The following ANOS1 variants were observed in gnomAD, a reference collection of about 807,000 sequenced individuals.
ANOS1 encodes the protein anosmin-1.
ANOS1 carries 6 observed loss-of-function variants against 59.0 expected under a neutral mutation model. That is an observed-to-expected ratio of 0.10 (90% CI 0.06 to 0.20). The LOEUF is 0.20. Among genes scored for constraint, ANOS1 ranks in the 10% least tolerant of loss-of-function variants. The pLI, the probability that ANOS1 is intolerant of heterozygous loss-of-function variation, is 1.00. For synonymous variants in ANOS1, 217 were observed against 223.4 expected (o/e 0.97, Z 0.25); for missense variants, 433 against 542.3 (o/e 0.80, Z 2.00).
chrX:8,691,237 C>T (rs1443639081), intron 2 of ANOS1, among the ~76,000 whole-genome samples: 1 of 109,906 alleles, frequency 9.1e-6, no homozygotes, highest in Non-Finnish European at 1.9e-5. Context: ...CCACACCCGG[C>T]TAATTTTTGT....
At chrX:8,729,326 T>C (rs1932948075) in intron 1 of ANOS1, among the ~76,000 whole-genome samples, 1 of 107,358 alleles carries the variant, frequency 9.3e-6, no homozygotes, top group South Asian at 4.2e-4. Context: ...AGGAAAGCAA[T>C]CTTCTTAAGA....
At chrX:8,584,408 T>TTGTC (rs982632453) in intron 6 of ANOS1, among the ~76,000 whole-genome samples, 6 of 107,935 alleles carry the variant, frequency 5.6e-5, no homozygotes, top group African/African-American at 2.0e-4. Context: ...AAAAAGTGTT[T>TTGTC]TGTTTGTTTG....
rs192161061 is a variant in ANOS1, at chrX:8,623,553, G to T, written c.318+55C>A. On this transcript the variant is annotated intron_variant, in intron 3 of 13. Transcript: ENST00000262648. ...GGCCCATTCATTCCCATGACCCCAC[G>T]TAAGCATAGTCAGATTTGGGTCAAG... The T allele has an allele frequency of 3.0e-5, 27 of 899,888 alleles. No individual in the cohort carries two copies. In the East Asian group the frequency reaches 7.8e-4, roughly 26 times the overall value. The allele number at this position is 899,888 out of a possible 1,213,427, so 74.2% of individuals were successfully genotyped here.
chrX:8,680,635 T>G (rs112185145), intron 2 of ANOS1, among the ~76,000 whole-genome samples: 3 of 111,485 alleles, frequency 2.7e-5, no homozygotes, highest in African/African-American at 9.8e-5. Flanking sequence ...AGGCACCTGC[T>G]CATTTCACCT....
chrX:8,667,452 T>C (rs1932166330), intron 2 of ANOS1, among the ~76,000 whole-genome samples: 1 of 111,229 alleles, frequency 9.0e-6, no homozygotes, highest in Admixed American at 9.6e-5. Flanking sequence ...TGCACCACTG[T>C]GCGAGCTTCA....
intron 3 of ANOS1, among the ~76,000 whole-genome samples, chrX:8,599,291 A>G (rs1003950372): frequency 1.8e-5 from 2 of 111,970 alleles, no homozygotes; most frequent in Non-Finnish European, 3.8e-5. Flanking sequence ...ATTTGATGTC[A>G]CAACAGGGTT....
At chrX:8,586,569 T>C (rs978640886) in intron 5 of ANOS1, among the ~76,000 whole-genome samples, 2 of 111,918 alleles carry the variant, frequency 1.8e-5, no homozygotes, top group Non-Finnish European at 3.8e-5. Context: ...AAAAATCTTT[T>C]GGAGATAAAA....
intron 3 of ANOS1, among the ~76,000 whole-genome samples, chrX:8,605,218 C>T (rs1176737686): frequency 9.1e-6 from 1 of 109,676 alleles, no homozygotes; most frequent in Non-Finnish European, 1.9e-5. Flanking sequence ...AGCATTGCCC[C>T]CTCCCTAACC....
intron 2 of ANOS1, among the ~76,000 whole-genome samples, chrX:8,627,736 A>C (rs1336287709): frequency 9.0e-6 from 1 of 111,483 alleles, no homozygotes; most frequent in Admixed American, 9.6e-5. Context: ...CAGTTAAAAA[A>C]AAAAAGATTT....
At position 8,706,530 on chromosome X, in the gene ANOS1, G is replaced by A. The variant is rs183246741; in HGVS notation, c.208-6785C>T. Among the ~76,000 whole-genome samples the A allele has an allele frequency of 4.5e-5, 5 of 112,112 alleles. No homozygotes were observed. The South Asian group carries it at 1.9e-3, about 42-fold the overall frequency. ...GACCATACAACACCAAAAGTGAAGC[G>A]TATGTAAACTATGGACCCTGATGAT... is the stretch of plus-strand genomic sequence containing the variant. On this transcript the variant is annotated intron_variant, in intron 1 of 13. Coordinates refer to ENST00000262648, the MANE Select transcript of ANOS1 (RefSeq NM_000216.4).
chrX:8,658,738 G>A (rs1449288738), intron 2 of ANOS1, among the ~76,000 whole-genome samples: 1 of 111,665 alleles, frequency 9.0e-6, no homozygotes, highest in African/African-American at 3.3e-5. Flanking sequence ...TACCTCTTCT[G>A]CTCTCACTTT....
intron 1 of ANOS1, among the ~76,000 whole-genome samples, chrX:8,702,457 G>A (rs767670171): frequency 2.7e-5 from 3 of 111,820 alleles, no homozygotes; most frequent in East Asian, 2.8e-4. Context: ...ACTGCAAAAA[G>A]CAGGGGCCAG....
In ANOS1 at chrX:8,612,403, CAAAT is replaced by C. The variant is rs369691020; in HGVS notation, c.318+11201_318+11204del. Reference sequence around the variant, plus strand: ...TATATATGAAAGGAAAATAAGGTCTCAAATTAATTATCTAAGCTCCTACAATAAG... The same window carrying C: ...TATATATGAAAGGAAAATAAGGTCTCTAATTATCTAAGCTCCTACAATAAG... On this transcript the variant is annotated intron_variant, in intron 3 of 13. Transcript: ENST00000262648. Among the ~76,000 whole-genome samples the C allele has an allele frequency of 1.8e-3, 198 of 110,771 alleles. 1 individual carries two copies. Among genetic ancestry groups the C allele is most frequent in the African/African-American group, 6.2e-3 (189 of 30,553 alleles).
intron 1 of ANOS1, among the ~76,000 whole-genome samples, chrX:8,719,432 G>A (rs1001368556): frequency 3.6e-4 from 40 of 112,222 alleles, no homozygotes; most frequent in African/African-American, 1.2e-3. Context: ...CCAGGCTGGA[G>A]TACAGTGGCA....
chrX:8,619,089 A>G (rs868553422), intron 3 of ANOS1, among the ~76,000 whole-genome samples: 25 of 65,874 alleles, frequency 3.8e-4, no homozygotes, highest in Admixed American at 1.3e-3. Context: ...AAAAAAAAAA[A>G]AAAAAAAAAA....
rs749612953 is a variant in ANOS1 at position 8,535,579 on chromosome X, G to A, written c.1842+12C>T. The A allele has an allele frequency of 3.4e-6, 4 of 1,162,489 alleles. No individual in the cohort carries two copies. Among genetic ancestry groups the A allele is most frequent in the Non-Finnish European group, 3.5e-6 (3 of 851,548 alleles). On this transcript the variant is annotated intron_variant, in intron 12 of 13. Coordinates refer to ENST00000262648, the MANE Select transcript of ANOS1 (RefSeq NM_000216.4). ...CCAATGACACAGACATAGTACAAGA[G>A]GTGGGACCTACGGAAGGCAGGATCT...
chrX:8,615,128 G>A (rs1444346917), intron 3 of ANOS1, among the ~76,000 whole-genome samples: 2 of 111,048 alleles, frequency 1.8e-5, no homozygotes, highest in Non-Finnish European at 3.8e-5. Context: ...CTTCATTGGT[G>A]CCCAAGTAAC....
At chrX:8,598,912 G>C (rs181619534) in intron 3 of ANOS1, among the ~76,000 whole-genome samples, 107 of 112,001 alleles carry the variant, frequency 9.6e-4, no homozygotes, top group Admixed American at 4.3e-3. Context: ...AATCAGCAAA[G>C]TTCTGTGCCA....
chrX:8,711,016 T>C (rs781090513), intron 1 of ANOS1, among the ~76,000 whole-genome samples: 6 of 112,346 alleles, frequency 5.3e-5, no homozygotes, highest in Admixed American at 9.4e-5. Flanking sequence ...GTGGGGAACT[T>C]AGAATTTCCA....
Sources: gnomAD v4.1 joint callset for allele counts (sites outside exome capture counted in the v4.1 genomes callset) on GRCh38, gnomAD v4.1.1 for gene constraint, MANE v1.5 for transcripts, NCBI Gene and HGNC (gene_info 2026-07-23, HGNC 2026-07-21) for gene names.